Variants in BRD9 observed in about 807,000 individuals in gnomAD.
BRD9 encodes bromodomain-containing protein 9.
In BRD9, 47 loss-of-function variants were observed where a neutral mutation model predicts 68.7. The ratio of observed to expected loss-of-function variants is 0.68; its 90% CI spans 0.54 to 0.87. The LOEUF (loss-of-function observed/expected upper bound fraction) is 0.87, where lower values mean the gene tolerates loss of function less well. Among genes scored for constraint, BRD9 ranks in the 40% least tolerant of loss-of-function variants. The pLI, the probability that BRD9 is intolerant of heterozygous loss-of-function variation, is 0.00. For synonymous variants in BRD9, 313 were observed against 293.9 expected (o/e 1.06, Z -0.67); for missense variants, 670 against 748.4 (o/e 0.90, Z 1.22).
At chr5:872,694 G>A (rs748299795) in intron 12 of BRD9, among the ~76,000 whole-genome samples, 2 of 152,198 alleles carry the variant, frequency 1.3e-5, no homozygotes, top group African/African-American at 2.4e-5. Flanking sequence ...AGGGGCCTGC[G>A]AGCCCTCCAA....
intron 3 of BRD9, 107 bp downstream of exon 3, chr5:891,048 C>T (rs1248484555): frequency 7.3e-7 from 1 of 1,365,670 alleles, no homozygotes; most frequent in Admixed American, 2.7e-5. Flanking sequence ...AATACCAGCT[C>T]TCCTCCCTCC....
At chr5:892,010 G>C in intron 1 of BRD9, 156 bp from the exon 2 acceptor site, 1 of 1,216,702 alleles carries the variant, frequency 8.2e-7, no homozygotes, top group Non-Finnish European at 1.1e-6. Context: ...CCACAGTGGC[G>C]GCATGTCACT....
chr5:880,653 T>C (rs1751601243), intron 9 of BRD9, among the ~76,000 whole-genome samples: 1 of 152,226 alleles, frequency 6.6e-6, no homozygotes, highest in South Asian at 2.1e-4. Context: ...AAAGTGCCCC[T>C]GACGGGCTGG....
At chr5:872,036 T>C (rs1323762452) in intron 12 of BRD9, among the ~76,000 whole-genome samples, 1 of 152,136 alleles carries the variant, frequency 6.6e-6, no homozygotes, top group East Asian at 1.9e-4. Context: ...GCAGTGCCTG[T>C]GGCAGGTGGG....
Position 876,126 on chromosome 5 carries a change from G to C in BRD9, c.1358C>G (p.Ser453Cys). Reference sequence around the variant, plus strand: ...CTGCTTCAGCTGGAAGAGCGTCCTAGAGTGGTCTCCGCCTGTGATCTGGTC... The same window carrying C: ...CTGCTTCAGCTGGAAGAGCGTCCTACAGTGGTCTCCGCCTGTGATCTGGTC... ...LLDQITGGDH[S>C]RTLFQLKQRR... The change falls in exon 12 of 16, where the codon TCT becomes TGT. Residue 453 changes from serine (S) to cysteine (C), a missense_variant. Ser to Cys is a moderately radical substitution (Grantham distance 112). Coordinates refer to ENST00000467963, the MANE Select transcript of BRD9 (RefSeq NM_023924.5). 1.2e-6 allele frequency: 2 copies of C among 1,613,294 alleles called. No individual in the cohort carries two copies. The highest frequency in any genetic ancestry group is 1.7e-6 in the Non-Finnish European group (2 of 1,179,768).
chr5:890,388 T>C (rs972516262), intron 3 of BRD9, among the ~76,000 whole-genome samples: 3 of 152,078 alleles, frequency 2.0e-5, no homozygotes, highest in Admixed American at 6.5e-5. Flanking sequence ...TGTTTCCCTA[T>C]AATCCAGGAA....
At chr5:891,984 A>G in intron 1 of BRD9, 130 bp from the exon 2 acceptor site, 4 of 1,404,230 alleles carry the variant, frequency 2.8e-6, no homozygotes, top group South Asian at 1.5e-5. Context: ...CCAGCAGGGA[A>G]AGACGGAAGG....
chr5:884,117 G>T, intron 7 of BRD9, 47 bp from the exon 8 acceptor site: 1 of 1,596,960 alleles, frequency 6.3e-7, no homozygotes. Context: ...CGTCCCCACC[G>T]CACACCTGCT....
intron 8 of BRD9, 58 bp from the exon 9 acceptor site, chr5:881,240 G>C (rs1235523649): frequency 9.2e-6 from 14 of 1,529,100 alleles, no homozygotes; most frequent in Admixed American, 1.7e-5. Context: ...CAGCACAAAT[G>C]AAATGAAGAC....
Position 886,227 on chromosome 5 carries a change from A to G in BRD9, c.833+365T>C, listed in dbSNP as rs113390353. Among the ~76,000 whole-genome samples, 12 of 152,366 alleles carry G rather than the reference A, an allele frequency of 7.9e-5. 1 individual carries two copies. The highest frequency in any genetic ancestry group is 2.9e-4 in the African/African-American group (12 of 41,592). On this transcript the variant is annotated intron_variant, in intron 7 of 15. Coordinates refer to ENST00000467963, the MANE Select transcript of BRD9 (RefSeq NM_023924.5). ...CTGCCAATGCTGGCTGCCCAAAGTC[A>G]GCCCGCTTGTGCGGCACAGTCTGGG... is the stretch of plus-strand genomic sequence containing the variant.
chr5:873,524 G>A lies in BRD9; in HGVS notation c.1384-1960C>T, dbSNP rs536401843. ...AGATACCGCCCTTCTAGGCCAAGCC[G>A]ACATGTAACCTCTGTGTCCTTATGC... On this transcript the variant is annotated intron_variant, in intron 12 of 15. Coordinates refer to ENST00000467963, the MANE Select transcript of BRD9 (RefSeq NM_023924.5). 2.6e-5 allele frequency among the ~76,000 whole-genome samples: 4 copies of A among 152,270 alleles called. No homozygotes were observed. The South Asian group carries it at 6.2e-4, about 24-fold the overall frequency.
chr5:878,225 C>A, intron 11 of BRD9, 130 bp downstream of exon 11: 5 of 1,350,676 alleles, frequency 3.7e-6, no homozygotes, highest in Non-Finnish European at 5.1e-6. Context: ...AACGGGAAGA[C>A]CCAGGCTGCC....
In BRD9 at chr5:883,952, G is replaced by A. The variant is rs761944887; in HGVS notation, c.952C>T (p.Leu318Phe). 6 of 1,612,556 alleles carry A rather than the reference G, an allele frequency of 3.7e-6. No homozygotes were observed. In the South Asian group the frequency reaches 5.5e-5, roughly 15 times the overall value. ...CAGAGCACTACCTTGCCGCCTGGGA[G>A]GAACCGGTTGATCCTGTCCCGAGCT... ...DEARDRINRF[L>F]PGGKMGYLKR... Residue 318 changes from leucine (L) to phenylalanine (F), a missense_variant, in exon 8 of 16, where the codon CTC (leucine) becomes TTC (phenylalanine). By Grantham distance (22) the Leu-to-Phe change is conservative. Around this residue, in one of 5 missense-constraint regions of BRD9, gnomAD observed 135 missense variants for 141.2 expected, o/e 0.96. Transcript: ENST00000467963.
At chr5:881,295 A>C in intron 8 of BRD9, 113 bp from the exon 9 acceptor site, 7 of 1,010,056 alleles carry the variant, frequency 6.9e-6, no homozygotes, top group South Asian at 1.4e-5. Context: ...TTGTCCAAGA[A>C]CAAACGCCAG....
In BRD9 at chr5:864,433, A is replaced by T; in HGVS notation, c.*35T>A. The T allele has an allele frequency of 6.6e-7, 1 of 1,519,252 alleles. No homozygotes were observed. Among genetic ancestry groups the T allele is most frequent in the South Asian group, 1.2e-5 (1 of 83,208 alleles). The allele number at this position is 1,519,252 out of a possible 1,614,324, so 94.1% of individuals were successfully genotyped here. A position where few individuals can be genotyped will look rare whatever the true frequency, so the allele number is the denominator to read the frequency against. ...CTCTACACGTGCAAAATAAAACTAA[A>T]AAAATAAAATAAAAGAGCTGAAGGT... is the stretch of plus-strand genomic sequence containing the variant. On this transcript the variant is annotated 3_prime_UTR_variant, in exon 16 of 16. Coordinates refer to ENST00000467963, the MANE Select transcript of BRD9 (RefSeq NM_023924.5).
Position 891,254 on chromosome 5 carries a change from A to G in BRD9, c.301T>C (p.Cys101Arg), listed in dbSNP as rs1231950190. The G allele has an allele frequency of 2.6e-6, 4 of 1,551,764 alleles. No individual in the cohort carries two copies. The highest frequency in any genetic ancestry group is 3.5e-6 in the Non-Finnish European group (4 of 1,146,998). Residue 101 changes from cysteine to arginine, a missense_variant, in exon 3 of 16, where the codon TGT becomes CGT. Coordinates refer to ENST00000467963, the MANE Select transcript of BRD9 (RefSeq NM_023924.5). ...EKKRKREREH[C>R]DTEGEADDFD... The stretch of plus-strand genomic sequence containing the variant: ...TCGTCAGCCTCTCCCTCCGTGTCAC[A>G]GTGCTCCCTCTCTCGCTTCCGCTTC...
At chr5:870,704 G>A (rs1750015951) in intron 13 of BRD9, 129 bp from the exon 14 acceptor site, 2 of 647,764 alleles carry the variant, frequency 3.1e-6, no homozygotes, top group East Asian at 5.6e-5. Context: ...TAAGTGACAA[G>A]ACCAAGCCCT....
intron 12 of BRD9, 95 bp downstream of exon 12, chr5:876,006 C>T: frequency 2.4e-6 from 2 of 823,392 alleles, no homozygotes; most frequent in Non-Finnish European, 3.9e-6. Flanking sequence ...TGCGACAGCT[C>T]CTCGTCCCCG....
At chr5:881,224 G>A (rs749037382) in intron 8 of BRD9, 42 bp from the exon 9 acceptor site, 9 of 1,567,532 alleles carry the variant, frequency 5.7e-6, no homozygotes, top group Non-Finnish European at 7.9e-6. Context: ...CTCAGGAGGG[G>A]CAGCGCAGCA....
Sources: gnomAD v4.1 joint callset for allele counts (sites outside exome capture counted in the v4.1 genomes callset) on GRCh38, gnomAD v4.1.1 for gene constraint, gnomAD v4.1.1 regional missense constraint, MANE v1.5 for transcripts, NCBI Gene and HGNC (gene_info 2026-07-23, HGNC 2026-07-21) for gene names.